The following PAX7 variants were observed in gnomAD, a reference collection of about 807,000 sequenced individuals.
PAX7 encodes the protein paired box 7.
In PAX7, 18 loss-of-function variants were observed where a neutral mutation model predicts 50.7. The ratio of observed to expected loss-of-function variants is 0.36; its 90% CI spans 0.25 to 0.53. The LOEUF is 0.53. Among genes scored for constraint, PAX7 ranks in the 20% least tolerant of loss-of-function variants. PAX7 has a pLI of 0.93. For missense variants in PAX7, 644 were observed against 702.9 expected, an observed-to-expected ratio of 0.92 and a Z score of 0.95; for synonymous variants, 310 against 290.4, an observed-to-expected ratio of 1.07 and a Z score of -0.69.
chr1:18,691,739 C>T lies in PAX7; in HGVS notation c.587-15C>T. On this transcript the variant is annotated splice_polypyrimidine_tract_variant and intron_variant, in intron 4 of 8. Transcript: ENST00000420770. ...CTAAGCCCCTGCCTTCTCCCTCCCTCTCCTCCGGCTGTAGGGAACCGGCTG... is the reference window on the plus strand; with the variant it reads ...CTAAGCCCCTGCCTTCTCCCTCCCTTTCCTCCGGCTGTAGGGAACCGGCTG... The T allele has an allele frequency of 6.4e-7, 1 of 1,557,866 alleles. No homozygotes were observed. The highest frequency in any genetic ancestry group is 8.7e-7 in the Non-Finnish European group (1 of 1,150,744).
intron 4 of PAX7, among the ~76,000 whole-genome samples, chr1:18,641,992 G>T (rs1472225938): frequency 7.2e-6 from 1 of 139,562 alleles, no homozygotes; most frequent in African/African-American, 2.8e-5. Context: ...CCCTTTCACA[G>T]CTTTCCAAAT....
chr1:18,635,102 C>T lies in PAX7; in HGVS notation c.322-9C>T, dbSNP rs1007357826. 2 of 1,613,550 alleles carry T rather than the reference C, an allele frequency of 1.2e-6. No individual in the cohort carries two copies. The highest frequency in any genetic ancestry group is 1.3e-5 in the African/African-American group (1 of 75,034). ...TTCCACTCCTACTCTCCCACCTCCACCTCTGAAGCAGGTGGCGACTCCGGA... is the reference window on the plus strand; with the variant it reads ...TTCCACTCCTACTCTCCCACCTCCATCTCTGAAGCAGGTGGCGACTCCGGA... On this transcript the variant is annotated splice_polypyrimidine_tract_variant and intron_variant, in intron 2 of 8. Transcript: ENST00000420770.
At chr1:18,740,091 C>T (rs1931040541) in intron 8 of PAX7, among the ~76,000 whole-genome samples, 2 of 152,172 alleles carry the variant, frequency 1.3e-5, no homozygotes, top group South Asian at 4.1e-4. Context: ...ACATTTAGAG[C>T]CCAGCCACGG....
At chr1:18,721,828 AC>A (rs751818612) in intron 7 of PAX7, among the ~76,000 whole-genome samples, 2 of 152,254 alleles carry the variant, frequency 1.3e-5, no homozygotes, top group Non-Finnish European at 2.9e-5. Flanking sequence ...AGAGAAGCAG[AC>A]CATGGTTACT....
chr1:18,656,489 C>T (rs540538293), intron 4 of PAX7, among the ~76,000 whole-genome samples: 149 of 151,616 alleles, frequency 9.8e-4, no homozygotes, highest in African/African-American at 3.2e-3. Context: ...GACAGAGTGA[C>T]GCTGTCTCAA....
intron 4 of PAX7, among the ~76,000 whole-genome samples, chr1:18,654,715 C>G (rs1027816026): frequency 1.3e-5 from 2 of 152,236 alleles, no homozygotes; most frequent in Non-Finnish European, 2.9e-5. Context: ...GGAAAGCAAA[C>G]TTGGAATTCT....
chr1:18,659,683 C>T (rs918145043), intron 4 of PAX7, among the ~76,000 whole-genome samples: 1 of 152,150 alleles, frequency 6.6e-6, no homozygotes, highest in Non-Finnish European at 1.5e-5. Flanking sequence ...AGGTGGGAAC[C>T]CTGCCTCTGA....
intron 4 of PAX7, among the ~76,000 whole-genome samples, chr1:18,641,444 G>C (rs575763484): frequency 1.4e-3 from 215 of 152,256 alleles, no homozygotes; most frequent in Middle Eastern, 6.8e-3. Flanking sequence ...AAAGAGGCTC[G>C]GTTCCCGGAT....
chr1:18,684,490 C>G (rs1456736378), intron 4 of PAX7, among the ~76,000 whole-genome samples: 1 of 152,228 alleles, frequency 6.6e-6, no homozygotes, highest in Non-Finnish European at 1.5e-5. Context: ...CAATCTGACT[C>G]CCGCAGCCAC....
At chr1:18,645,141 CG>C (rs2088317492) in intron 4 of PAX7, among the ~76,000 whole-genome samples, 13 of 152,080 alleles carry the variant, frequency 8.5e-5, no homozygotes, top group South Asian at 6.2e-4. Context: ...AGTGTGTGTG[CG>C]CGCGCGCGCG....
chr1:18,741,238 C>T (rs537786871), intron 8 of PAX7, among the ~76,000 whole-genome samples: 3 of 152,106 alleles, frequency 2.0e-5, no homozygotes, highest in Non-Finnish European at 2.9e-5. Context: ...CACCTGAGGT[C>T]GGGAGTTTGA....
chr1:18,693,696 C>T (rs1038980115), intron 5 of PAX7, among the ~76,000 whole-genome samples: 1 of 152,172 alleles, frequency 6.6e-6, no homozygotes, highest in African/African-American at 2.4e-5. Flanking sequence ...CCCTCCTGAC[C>T]GAGGTGATAT....
At chr1:18,725,703 CG>C (rs1266642212) in intron 7 of PAX7, among the ~76,000 whole-genome samples, 4 of 152,222 alleles carry the variant, frequency 2.6e-5, no homozygotes, top group African/African-American at 7.2e-5. Flanking sequence ...CCCTTCCCCC[CG>C]AGCCTCGCCG....
At chr1:18,729,619 T>G (rs2089620189) in intron 7 of PAX7, among the ~76,000 whole-genome samples, 1 of 152,216 alleles carries the variant, frequency 6.6e-6, no homozygotes, top group Non-Finnish European at 1.5e-5. Context: ...CTCATCGTCC[T>G]GGATTCAGTT....
chr1:18,722,293 C>T (rs940778741), intron 7 of PAX7, among the ~76,000 whole-genome samples: 3 of 152,030 alleles, frequency 2.0e-5, no homozygotes, highest in African/African-American at 7.3e-5. Flanking sequence ...CCAACCCCTT[C>T]CCCATATAAC....
At position 18,636,204 on chromosome 1, in the gene PAX7, T is replaced by G; in HGVS notation, c.452-33T>G. ...CCGCTCGCTCCTCTGCTCCAACAAC[T>G]TATACTTGCTCTTTTGCCTTTGAAT... is the stretch of plus-strand genomic sequence containing the variant. On this transcript the variant is annotated intron_variant, in intron 3 of 8. Transcript: ENST00000420770. The surrounding 1 kb of genome is among the most constrained non-coding windows in gnomAD (Gnocchi z 5.1). 6.2e-7 allele frequency: 1 copy of G among 1,611,006 alleles called. No homozygotes were observed.
intron 4 of PAX7, among the ~76,000 whole-genome samples, chr1:18,655,279 C>T (rs941990701): frequency 2.6e-5 from 4 of 152,322 alleles, no homozygotes; most frequent in Admixed American, 2.0e-4. Flanking sequence ...GACTACAGAG[C>T]TTAGAAATGC....
At chr1:18,640,892 G>GTCCCGGCGGAGGGGGC (rs1212213867) in intron 4 of PAX7, among the ~76,000 whole-genome samples, 1 of 151,480 alleles carries the variant, frequency 6.6e-6, no homozygotes, top group East Asian at 2.0e-4. Context: ...AGCTGGGAAC[G>GTCCCGGCGGAGGGGGC]TCCCGGCGGA....
chr1:18,720,332 C>T (rs886137487), intron 7 of PAX7, among the ~76,000 whole-genome samples: 10 of 152,174 alleles, frequency 6.6e-5, no homozygotes, highest in East Asian at 1.9e-4. Flanking sequence ...CAAATCCTTC[C>T]GAGGCCCAGA....
Sources: gnomAD v4.1 joint callset for allele counts (sites outside exome capture counted in the v4.1 genomes callset) on GRCh38, gnomAD v4.1.1 for gene constraint, Gnocchi (gnomAD v3.1) non-coding constraint, MANE v1.5 for transcripts, NCBI Gene and HGNC (gene_info 2026-07-23, HGNC 2026-07-21) for gene names.